The following RIT2 variants were observed in gnomAD, a reference collection of about 807,000 sequenced individuals.
The protein encoded by RIT2 is GTP-binding protein Rit2.
In RIT2, 24 loss-of-function variants were observed where a neutral mutation model predicts 23.7. The ratio of observed to expected loss-of-function variants is 1.01; its 90% CI spans 0.73 to 1.43. RIT2 has a LOEUF of 1.43. RIT2 is among the 40% of genes most tolerant of loss of function. The probability of loss-of-function intolerance (pLI) is 0.00; values close to 1 mark genes in which losing one functional copy is unlikely to be tolerated. For missense variants in RIT2, 236 were observed against 266.9 expected (o/e 0.88, Z 0.81); for synonymous variants, 107 against 91.1 (o/e 1.17, Z -0.99).
At chr18:42,979,443 A>G (rs1910546039) in intron 2 of RIT2, among the ~76,000 whole-genome samples, 1 of 152,172 alleles carries the variant, frequency 6.6e-6, no homozygotes, top group Non-Finnish European at 1.5e-5. Flanking sequence ...CTATTTTTCT[A>G]TAACTCCAAG....
At chr18:42,964,449 A>G (rs1403157907) in intron 3 of RIT2, among the ~76,000 whole-genome samples, 3 of 152,102 alleles carry the variant, frequency 2.0e-5, no homozygotes, top group African/African-American at 7.2e-5. Context: ...AAATTACACC[A>G]TGGCAATGTA....
At chr18:42,877,587 T>G (rs1213199133) in intron 4 of RIT2, among the ~76,000 whole-genome samples, 1 of 151,058 alleles carries the variant, frequency 6.6e-6, no homozygotes, top group Non-Finnish European at 1.5e-5. Flanking sequence ...TAAAGATTTA[T>G]GTGTGTATAT....
chr18:42,904,825 G>A (rs1908568292), intron 4 of RIT2, among the ~76,000 whole-genome samples: 1 of 151,980 alleles, frequency 6.6e-6, no homozygotes. Context: ...CACAGAACGG[G>A]GCGTCAAAAG....
chr18:42,991,734 A>C (rs2144228596), intron 2 of RIT2, among the ~76,000 whole-genome samples: 1 of 152,114 alleles, frequency 6.6e-6, no homozygotes. Flanking sequence ...CTGACTCAAA[A>C]GCTCCCGTAC....
chr18:43,078,745 C>T (rs1361775616), intron 1 of RIT2, among the ~76,000 whole-genome samples: 1 of 152,234 alleles, frequency 6.6e-6, no homozygotes, highest in East Asian at 1.9e-4. Context: ...AGCTTTGGAC[C>T]CAGGAGAGTT....
At chr18:42,846,938 T>C (rs1009439009) in intron 4 of RIT2, among the ~76,000 whole-genome samples, 2 of 152,126 alleles carry the variant, frequency 1.3e-5, no homozygotes, top group African/African-American at 4.8e-5. Context: ...TATCTTGAAC[T>C]GGAGTATAAT....
intron 4 of RIT2, among the ~76,000 whole-genome samples, chr18:42,745,780 A>G (rs1281133693): frequency 6.6e-6 from 1 of 152,176 alleles, no homozygotes; most frequent in African/African-American, 2.4e-5. Flanking sequence ...ATGACACTGT[A>G]TAACGTGGGT....
chr18:42,889,349 A>G (rs1267919610), intron 4 of RIT2, among the ~76,000 whole-genome samples: 1 of 152,016 alleles, frequency 6.6e-6, no homozygotes, highest in Non-Finnish European at 1.5e-5. Flanking sequence ...ATAATTCCTT[A>G]ACTTTACCAC....
chr18:42,903,516 T>C (rs542496139), intron 4 of RIT2, among the ~76,000 whole-genome samples: 2 of 152,032 alleles, frequency 1.3e-5, no homozygotes, highest in Non-Finnish European at 2.9e-5. Flanking sequence ...ACTAAAAAAA[T>C]AAAACTTGAC....
chr18:42,995,826 A>C (rs1199870300), intron 2 of RIT2, among the ~76,000 whole-genome samples: 4 of 151,128 alleles, frequency 2.6e-5, no homozygotes, highest in Non-Finnish European at 5.9e-5. Context: ...TGTCCCAAAA[A>C]ACTTGTCATC....
chr18:43,108,728 C>T (rs1913886375), intron 1 of RIT2, among the ~76,000 whole-genome samples: 1 of 152,212 alleles, frequency 6.6e-6, no homozygotes, highest in Non-Finnish European at 1.5e-5. Context: ...GAGTAGATAC[C>T]AATTTACTCT....
At chr18:42,942,637 A>G (rs543838238) in intron 3 of RIT2, among the ~76,000 whole-genome samples, 1 of 152,036 alleles carries the variant, frequency 6.6e-6, no homozygotes, top group Non-Finnish European at 1.5e-5. Context: ...CATATGCCAA[A>G]GCTGTGTCCA....
In RIT2 at chr18:43,115,472, G is replaced by A. The variant is rs1386128854; in HGVS notation, c.48C>T (p.Gly16=). ...TTACCACCTTGTACTCTCTGGACCC[G>A]CCTGATGCGCTGCCCGGGGAGCAGC... The part of the protein sequence containing the change: ...EASCSPGSAS[G]GSREYKVVML... The change falls in exon 1 of 5, where the codon GGC becomes GGT. Residue 16 remains glycine (G), a synonymous_variant. Coordinates refer to ENST00000326695, the MANE Select transcript of RIT2 (RefSeq NM_002930.4). 3 of 1,613,278 alleles carry A rather than the reference G, an allele frequency of 1.9e-6. No individual in the cohort carries two copies. The highest frequency in any genetic ancestry group is 2.5e-6 in the Non-Finnish European group (3 of 1,179,678).
intron 2 of RIT2, among the ~76,000 whole-genome samples, chr18:43,026,670 TTTTC>T (rs1911739668): frequency 6.6e-6 from 1 of 150,766 alleles, no homozygotes; most frequent in East Asian, 1.9e-4. Context: ...ATGAAAAAGT[TTTTC>T]TTTCTTTTTT....
chr18:42,983,124 T>C (rs1910634289), intron 2 of RIT2, among the ~76,000 whole-genome samples: 3 of 152,044 alleles, frequency 2.0e-5, no homozygotes, highest in Admixed American at 6.6e-5. Flanking sequence ...ACAGCTACAA[T>C]AATCAAAACA....
At chr18:42,899,106 A>G (rs1908408097) in intron 4 of RIT2, among the ~76,000 whole-genome samples, 1 of 151,912 alleles carries the variant, frequency 6.6e-6, no homozygotes. Context: ...CATTCACACA[A>G]TAGTTTTAGC....
chr18:43,058,916 C>T (rs1201922536), intron 1 of RIT2, among the ~76,000 whole-genome samples: 1 of 151,906 alleles, frequency 6.6e-6, no homozygotes, highest in Non-Finnish European at 1.5e-5. Flanking sequence ...GCTTATTTTT[C>T]AATACATTGA....
At chr18:43,054,403 A>C (rs949162798) in intron 1 of RIT2, among the ~76,000 whole-genome samples, 1 of 152,044 alleles carries the variant, frequency 6.6e-6, no homozygotes, top group African/African-American at 2.4e-5. Flanking sequence ...CTAATAGCTA[A>C]ATTGGACTGT....
intron 4 of RIT2, among the ~76,000 whole-genome samples, chr18:42,759,084 T>C (rs1913236191): frequency 6.6e-6 from 1 of 152,156 alleles, no homozygotes; most frequent in African/African-American, 2.4e-5. Flanking sequence ...TCACTATATC[T>C]CTGTATATCC....
Sources: gnomAD v4.1 joint callset for allele counts (sites outside exome capture counted in the v4.1 genomes callset) on GRCh38, gnomAD v4.1.1 for gene constraint, MANE v1.5 for transcripts, NCBI Gene and HGNC (gene_info 2026-07-23, HGNC 2026-07-21) for gene names.